Variants in ABL2 observed in about 807,000 individuals in gnomAD.
ABL2 encodes tyrosine-protein kinase ABL2.
Under a neutral mutation model 107.7 loss-of-function variants are expected in ABL2, and 49 were observed. The observed-to-expected ratio is 0.45, with a 90% CI of 0.36 to 0.58. ABL2 has a LOEUF of 0.58. ABL2 is among the 20% of genes least tolerant of loss of function. ABL2 has a pLI of 0.00. For missense variants in ABL2, 1,245 were observed against 1,457.0 expected, an observed-to-expected ratio of 0.85 and a Z score of 2.37; for synonymous variants, 549 against 548.6, an observed-to-expected ratio of 1.00 and a Z score of -0.01.
chr1:179,151,317 T>C (rs1398168630), intron 1 of ABL2, among the ~76,000 whole-genome samples: 1 of 152,194 alleles, frequency 6.6e-6, no homozygotes, highest in Admixed American at 6.5e-5. Context: ...TCTTTCAAGG[T>C]ATAGTTTAAG....
intron 8 of ABL2, among the ~76,000 whole-genome samples, chr1:179,116,231 G>A (rs758191440): frequency 6.6e-6 from 1 of 152,060 alleles, no homozygotes; most frequent in Non-Finnish European, 1.5e-5. Flanking sequence ...AAAATTAGCC[G>A]GGCATGGTGA....
intron 10 of ABL2, chr1:179,110,885 GGCCCT>G (rs1653995217): frequency 6.2e-7 from 1 of 1,612,830 alleles, no homozygotes; most frequent in South Asian, 1.1e-5. Flanking sequence ...AGGTTTATTA[GGCCCT>G]GCCAACCTGT....
chr1:179,229,186 CG>C, intron 1 of ABL2, 54 bp downstream of exon 1: 26 of 667,776 alleles, frequency 3.9e-5, no homozygotes, highest in East Asian at 1.3e-4. Context: ...CACCCCGCCC[CG>C]ACCCCACCCC....
At chr1:179,109,561 C>G in intron 11 of ABL2, 120 bp from the exon 12 acceptor site, 1 of 1,424,194 alleles carries the variant, frequency 7.0e-7, no homozygotes, top group Admixed American at 2.6e-5. Context: ...GTTGGCAGGA[C>G]TCAGAAGCAA....
At chr1:179,206,738 G>C (rs1044050214) in intron 1 of ABL2, among the ~76,000 whole-genome samples, 2 of 152,134 alleles carry the variant, frequency 1.3e-5, no homozygotes, top group African/African-American at 2.4e-5. Context: ...TGTATCTCTT[G>C]AATTTTGAAC....
In ABL2 at chr1:179,099,610, C is replaced by G. The variant is rs1652932895; in HGVS notation, c.*8108G>C. 1 of 230,592 alleles carries G rather than the reference C, an allele frequency of 4.3e-6. No individual in the cohort carries two copies. The highest frequency in any genetic ancestry group is 5.7e-5 in the Admixed American group (1 of 17,686). The allele number at this position is 230,592 out of a possible 1,614,324, so 14.3% of individuals were successfully genotyped here. ...AAATCCCACATTGTCTCACTATGTC[C>G]CCTTAGCAATGCACACAGTGCCCGA... On this transcript the variant is annotated 3_prime_UTR_variant, in exon 12 of 12. Transcript: ENST00000502732.
chr1:179,219,414 T>C (rs1456959426), intron 1 of ABL2, among the ~76,000 whole-genome samples: 1 of 151,628 alleles, frequency 6.6e-6, no homozygotes, highest in African/African-American at 2.4e-5. Context: ...AAAAAAAAGG[T>C]CTTAAAGGAT....
At chr1:179,229,173 A>AACC in intron 1 of ABL2, 68 bp downstream of exon 1, 1 of 223,208 alleles carries the variant, frequency 4.5e-6, no homozygotes, top group Non-Finnish European at 7.2e-6. Context: ...CCCGTCCGCC[A>AACC]CCCACCCCGC....
chr1:179,201,946 AC>A, intron 1 of ABL2: 2 of 1,183,750 alleles, frequency 1.7e-6, no homozygotes, highest in Non-Finnish European at 2.1e-6. Context: ...CTGCCACCCA[AC>A]CCCAGCCAGG....
At chr1:179,113,484 A>G (rs947900239) in intron 9 of ABL2, among the ~76,000 whole-genome samples, 2 of 152,372 alleles carry the variant, frequency 1.3e-5, no homozygotes, top group African/African-American at 4.8e-5. Flanking sequence ...TGAGGAAACA[A>G]CACAGACTTA....
Position 179,107,029 on chromosome 1 carries a change from T to C in ABL2, c.*689A>G, listed in dbSNP as rs28913895. 475 of 229,828 alleles carry C rather than the reference T, an allele frequency of 2.1e-3. 3 individuals are homozygous for C. Among genetic ancestry groups the C allele is most frequent in the African/African-American group, 0.01 (453 of 45,284 alleles). The allele number at this position is 229,828 out of a possible 1,614,324, so 14.2% of individuals were successfully genotyped here. A position where few individuals can be genotyped will look rare whatever the true frequency, so the allele number is the denominator to read the frequency against. ...CCAGACTGGGAGAAGTGACTTCTGC[T>C]AATCTGTGTAAGATTTTAGAAGGTT... On this transcript the variant is annotated 3_prime_UTR_variant, in exon 12 of 12. Transcript: ENST00000502732.
chr1:179,218,367 G>C (rs1025362134), intron 1 of ABL2, among the ~76,000 whole-genome samples: 9 of 151,982 alleles, frequency 5.9e-5, no homozygotes, highest in African/African-American at 2.2e-4. Context: ...CCTGTTTTCT[G>C]ACAGTCATTC....
At chr1:179,111,281 CTTTTT>C (rs748453531) in intron 10 of ABL2, among the ~76,000 whole-genome samples, 24 of 82,278 alleles carry the variant, frequency 2.9e-4, no homozygotes, top group Admixed American at 6.1e-4. Flanking sequence ...AGTGCTCAGT[CTTTTT>C]TTTTTTTTTT....
At chr1:179,202,510 G>A (rs1219723904) in intron 1 of ABL2, among the ~76,000 whole-genome samples, 1 of 152,140 alleles carries the variant, frequency 6.6e-6, no homozygotes, top group East Asian at 1.9e-4. Context: ...TTTTACCTCA[G>A]CTTAAAAAAT....
chr1:179,109,541 A>G (rs575386687), intron 11 of ABL2, 100 bp from the exon 12 acceptor site: 1 of 1,498,470 alleles, frequency 6.7e-7, no homozygotes, highest in Non-Finnish European at 8.8e-7. Context: ...GCATTTATCA[A>G]AGGTCAGGTG....
chr1:179,202,907 A>C (rs1661751318), intron 1 of ABL2, among the ~76,000 whole-genome samples: 1 of 152,248 alleles, frequency 6.6e-6, no homozygotes, highest in Non-Finnish European at 1.5e-5. Flanking sequence ...CCTTCAATTT[A>C]AGATCTCCAG....
chr1:179,110,735 T>C, intron 10 of ABL2: 1 of 1,612,976 alleles, frequency 6.2e-7, no homozygotes, highest in Non-Finnish European at 8.5e-7. Context: ...TTGATGGATG[T>C]TTAGGTTGTT....
chr1:179,112,229 T>C, intron 10 of ABL2, 80 bp downstream of exon 10: 1 of 1,274,504 alleles, frequency 7.8e-7, no homozygotes, highest in Non-Finnish European at 1.1e-6. Context: ...GTTGATCATT[T>C]TTGAAATGTA....
Position 179,126,585 on chromosome 1 carries a change from T to C in ABL2, c.479A>G (p.Asn160Ser), listed in dbSNP as rs778726166. 1 of 1,614,200 alleles carries C rather than the reference T, an allele frequency of 6.2e-7. No individual in the cohort carries two copies. Among genetic ancestry groups the C allele is most frequent in the Admixed American group, 1.7e-5 (1 of 60,014 alleles). ...SKNGQGWVPS[N>S]YITPVNSLEK... ...CAGGCTGTTCACTGGGGTGATGTAG[T>C]TGCTTGGCACCCAGCCCTGCCCATT... The change falls in exon 4 of 12, where the codon AAC (asparagine) becomes AGC (serine). Residue 160 changes from asparagine to serine, a missense_variant. Asn to Ser is a conservative substitution (Grantham distance 46). Transcript: ENST00000502732. The surrounding 1 kb of genome is among the most constrained non-coding windows in gnomAD (Gnocchi z 4.4).
Sources: allele counts gnomAD v4.1 joint callset (sites outside exome capture counted in the v4.1 genomes callset), GRCh38; gene constraint gnomAD v4.1.1; non-coding constraint Gnocchi (gnomAD v3.1); transcripts MANE v1.5; gene names NCBI Gene and HGNC (gene_info 2026-07-23, HGNC 2026-07-21).